The following HCN1 variants were observed in gnomAD, a reference collection of about 807,000 sequenced individuals.
HCN1 encodes the protein potassium/sodium hyperpolarization-activated cyclic nucleotide-gated channel 1.
In HCN1, 13 loss-of-function variants were observed where a neutral mutation model predicts 78.9. The ratio of observed to expected loss-of-function variants is 0.16; its 90% CI spans 0.11 to 0.26. HCN1 has a LOEUF of 0.26. Ranked by LOEUF, HCN1 falls within the 10% of genes least tolerant of loss-of-function variation. The pLI is 1.00. For missense variants in HCN1, 810 were observed against 1,154.3 expected, an observed-to-expected ratio of 0.70 and a Z score of 4.32; for synonymous variants, 552 against 455.5, an observed-to-expected ratio of 1.21 and a Z score of -2.70.
intron 2 of HCN1, among the ~76,000 whole-genome samples, chr5:45,535,313 G>T (rs1040725615): frequency 6.6e-6 from 1 of 151,996 alleles, no homozygotes; most frequent in Non-Finnish European, 1.5e-5. Flanking sequence ...TAATAGAGAA[G>T]CAGGCTGGGC....
At chr5:45,371,924 AC>A (rs1449430423) in intron 4 of HCN1, among the ~76,000 whole-genome samples, 1 of 107,186 alleles carries the variant, frequency 9.3e-6, no homozygotes, top group African/African-American at 3.6e-5. Flanking sequence ...TATATAATAT[AC>A]ATTATATTAT....
At chr5:45,340,670 T>C (rs936042161) in intron 5 of HCN1, among the ~76,000 whole-genome samples, 1 of 152,146 alleles carries the variant, frequency 6.6e-6, no homozygotes, top group Non-Finnish European at 1.5e-5. Flanking sequence ...AAACAACTGA[T>C]ACCAGGGTCT....
intron 2 of HCN1, among the ~76,000 whole-genome samples, chr5:45,557,545 G>C (rs147722349): frequency 6.6e-6 from 1 of 152,208 alleles, no homozygotes; most frequent in East Asian, 1.9e-4. Flanking sequence ...GGCAGATACT[G>C]TTTTTGTTTT....
intron 1 of HCN1, among the ~76,000 whole-genome samples, chr5:45,650,687 G>T (rs964001815): frequency 5.9e-5 from 9 of 151,922 alleles, no homozygotes; most frequent in Admixed American, 1.3e-4. Context: ...TATGTAGAGT[G>T]TATCTTCTCC....
intron 6 of HCN1, 109 bp from the exon 7 acceptor site, chr5:45,267,362 A>T (rs769516473): frequency 4.4e-5 from 40 of 903,234 alleles, no homozygotes; most frequent in Non-Finnish European, 6.4e-5. Context: ...AAAAACAATT[A>T]TTAGCAGCAT....
chr5:45,621,415 G>A (rs1214488703), intron 2 of HCN1, among the ~76,000 whole-genome samples: 1 of 151,666 alleles, frequency 6.6e-6, no homozygotes, highest in African/African-American at 2.4e-5. Context: ...GCTGAAAATA[G>A]AAGTCTCCTG....
chr5:45,388,474 T>C (rs1480078664), intron 4 of HCN1, among the ~76,000 whole-genome samples: 1 of 152,128 alleles, frequency 6.6e-6, no homozygotes, highest in Non-Finnish European at 1.5e-5. Flanking sequence ...AACAATACCC[T>C]AGGGTGGTGC....
chr5:45,692,830 T>C (rs866121298), intron 1 of HCN1, among the ~76,000 whole-genome samples: 2 of 152,248 alleles, frequency 1.3e-5, no homozygotes, highest in African/African-American at 4.8e-5. Context: ...CTAGAAACAG[T>C]GTTAAAGTCA....
At chr5:45,440,350 A>G (rs928884611) in intron 3 of HCN1, among the ~76,000 whole-genome samples, 1 of 152,198 alleles carries the variant, frequency 6.6e-6, no homozygotes, top group African/African-American at 2.4e-5. Flanking sequence ...GTTGACTGAC[A>G]GAATGAAAGA....
chr5:45,313,675 A>G (rs967530944), intron 5 of HCN1, among the ~76,000 whole-genome samples: 3 of 152,326 alleles, frequency 2.0e-5, no homozygotes, highest in Non-Finnish European at 2.9e-5. Flanking sequence ...TCCTTAAATG[A>G]CCTGATGGAG....
intron 5 of HCN1, among the ~76,000 whole-genome samples, chr5:45,342,134 A>G (rs916254934): frequency 2.0e-5 from 3 of 152,148 alleles, no homozygotes; most frequent in Non-Finnish European, 2.9e-5. Context: ...TGAACTTGAT[A>G]GAGGTTATGG....
intron 6 of HCN1, among the ~76,000 whole-genome samples, chr5:45,272,919 AG>A (rs1038777945): frequency 6.6e-6 from 1 of 152,100 alleles, no homozygotes; most frequent in Non-Finnish European, 1.5e-5. Context: ...AGCTTTTTAA[AG>A]ATTGTCTTGG....
intron 5 of HCN1, among the ~76,000 whole-genome samples, chr5:45,332,027 G>A (rs1029339389): frequency 7.9e-5 from 12 of 151,456 alleles, no homozygotes; most frequent in Admixed American, 7.3e-4. Context: ...GTTTATATAA[G>A]CTAGACAAAT....
intron 3 of HCN1, among the ~76,000 whole-genome samples, chr5:45,457,483 A>C (rs1306083004): frequency 6.6e-6 from 1 of 152,126 alleles, no homozygotes; most frequent in African/African-American, 2.4e-5. Context: ...TTATTTCTTG[A>C]ATGAAACAAA....
At position 45,255,922 on chromosome 5, in the gene HCN1, C is replaced by G. The variant is rs1404271890; in HGVS notation, c.*5999G>C. The G allele has an allele frequency of 6.6e-6, 1 of 151,952 alleles. No homozygotes were observed. Among genetic ancestry groups the G allele is most frequent in the Non-Finnish European group, 1.5e-5 (1 of 68,010 alleles). 9.4% of individuals were successfully genotyped at this position (151,952 alleles called of 1,614,324 possible). A position where few individuals can be genotyped will look rare whatever the true frequency, so the allele number is the denominator to read the frequency against. The stretch of plus-strand genomic sequence containing the variant: ...TTTAAAAAAAAAAGTCTGAATAACT[C>G]TACGTTACCTGAATTCAATTATATA... On this transcript the variant is annotated 3_prime_UTR_variant, in exon 8 of 8. Coordinates refer to ENST00000303230, the MANE Select transcript of HCN1 (RefSeq NM_021072.4).
chr5:45,693,402 A>G (rs1739951355), intron 1 of HCN1, among the ~76,000 whole-genome samples: 1 of 152,140 alleles, frequency 6.6e-6, no homozygotes, highest in Non-Finnish European at 1.5e-5. Context: ...AAAAAGATCT[A>G]AATAATGATA....
intron 2 of HCN1, among the ~76,000 whole-genome samples, chr5:45,548,013 A>G (rs967580785): frequency 6.6e-6 from 1 of 151,974 alleles, no homozygotes; most frequent in Admixed American, 6.6e-5. Flanking sequence ...CCTTTGGTTG[A>G]CCAGAATAAA....
intron 2 of HCN1, among the ~76,000 whole-genome samples, chr5:45,486,267 C>A (rs1741761508): frequency 6.6e-6 from 1 of 152,106 alleles, no homozygotes; most frequent in Non-Finnish European, 1.5e-5. Flanking sequence ...GGAATCATAG[C>A]TATTGATTAA....
At chr5:45,268,352 T>C (rs1261467740) in intron 6 of HCN1, among the ~76,000 whole-genome samples, 1 of 152,244 alleles carries the variant, frequency 6.6e-6, no homozygotes, top group Non-Finnish European at 1.5e-5. Context: ...AGGCTTTGAT[T>C]ATTTTTAATT....
Sources: gnomAD v4.1 joint callset for allele counts (sites outside exome capture counted in the v4.1 genomes callset) on GRCh38, gnomAD v4.1.1 for gene constraint, MANE v1.5 for transcripts, NCBI Gene and HGNC (gene_info 2026-07-23, HGNC 2026-07-21) for gene names.